Variants in RIN2 observed in about 807,000 individuals in gnomAD.
RIN2 encodes Ras and Rab interactor 2, also known as RAB5 interacting protein 2.
Under a neutral mutation model 78.0 loss-of-function variants are expected in RIN2, and 36 were observed. That is an observed-to-expected ratio of 0.46 (90% confidence interval 0.35 to 0.61). The LOEUF (loss-of-function observed/expected upper bound fraction) is 0.61. Among genes scored for constraint, RIN2 ranks in the 20% least tolerant of loss-of-function variants. The probability of loss-of-function intolerance (pLI) is 0.00; values close to 1 mark genes in which losing one functional copy is unlikely to be tolerated. For synonymous variants in RIN2, 466 were observed against 466.8 expected (o/e 1.00, Z 0.02); for missense variants, 1,087 against 1,159.7 (o/e 0.94, Z 0.91).
At chr20:19,849,362 C>T (rs997896522) in intron 2 of RIN2, among the ~76,000 whole-genome samples, 2 of 152,000 alleles carry the variant, frequency 1.3e-5, no homozygotes, top group Non-Finnish European at 2.9e-5. Context: ...AAACCGGGGC[C>T]GAGGTTAGAG....
rs1274619297 is a variant in RIN2, at chr20:19,824,026, C to G, written c.-37+24279C>G. ...CCTTGGCCTCCTCCGAGCCGAAAGC[C>G]GAGAGAGCTGCTCTGCCTGCTTCTA... On this transcript the variant is annotated intron_variant, in intron 2 of 12. Transcript: ENST00000255006. The G allele has an allele frequency of 6.1e-6, 5 of 819,714 alleles. 1 individual carries two copies. In the Admixed American group the frequency reaches 1.1e-4, roughly 18 times the overall value. 50.8% of individuals were successfully genotyped at this position (819,714 alleles called of 1,614,324 possible). A position where few individuals can be genotyped will look rare whatever the true frequency, so the allele number is the denominator to read the frequency against.
chr20:19,926,980 A>G (rs1047104090), intron 3 of RIN2, among the ~76,000 whole-genome samples: 23 of 152,366 alleles, frequency 1.5e-4, no homozygotes, highest in African/African-American at 5.3e-4. Flanking sequence ...GCAGCTTCCT[A>G]TGCATGCAAA....
At chr20:19,890,295 G>C (rs12481523) in intron 3 of RIN2, among the ~76,000 whole-genome samples, 1 of 152,110 alleles carries the variant, frequency 6.6e-6, no homozygotes. Flanking sequence ...CTCTGTGTGT[G>C]TGTATTTAAT....
At chr20:19,866,437 T>C (rs967562434) in intron 2 of RIN2, among the ~76,000 whole-genome samples, 1 of 152,156 alleles carries the variant, frequency 6.6e-6, no homozygotes, top group African/African-American at 2.4e-5. Flanking sequence ...GGATATATGA[T>C]AGACAGGACT....
chr20:19,953,896 G>A (rs1454363675), intron 4 of RIN2, among the ~76,000 whole-genome samples: 1 of 152,206 alleles, frequency 6.6e-6, no homozygotes, highest in African/African-American at 2.4e-5. Context: ...AATGGCATTT[G>A]CAGAAGGAGA....
intron 2 of RIN2, among the ~76,000 whole-genome samples, chr20:19,801,072 A>G (rs2035226907): frequency 6.6e-6 from 1 of 152,136 alleles, no homozygotes; most frequent in South Asian, 2.1e-4. Flanking sequence ...AATAAGAGAG[A>G]AAAATGTTAG....
intron 1 of RIN2, among the ~76,000 whole-genome samples, chr20:19,788,353 G>T (rs1568752349): frequency 2.0e-5 from 3 of 150,820 alleles, no homozygotes; most frequent in Non-Finnish European, 2.9e-5. Flanking sequence ...CCAGCACTTT[G>T]GGGGGCTGAG....
intron 1 of RIN2, among the ~76,000 whole-genome samples, chr20:19,798,904 A>T (rs936737723): frequency 6.8e-6 from 1 of 147,400 alleles, no homozygotes; most frequent in African/African-American, 2.5e-5. Context: ...TAATATAGTA[A>T]TTTTTTTTTT....
At chr20:19,965,325 C>T (rs1367868126) in intron 7 of RIN2, among the ~76,000 whole-genome samples, 4 of 152,206 alleles carry the variant, frequency 2.6e-5, no homozygotes, top group African/African-American at 9.7e-5. Context: ...GAAACACACA[C>T]ACACGCACAT....
intron 2 of RIN2, among the ~76,000 whole-genome samples, chr20:19,822,866 T>C (rs371402869): frequency 6.6e-6 from 1 of 152,188 alleles, no homozygotes; most frequent in Non-Finnish European, 1.5e-5. Context: ...TTCTGAACAA[T>C]GTACTCTGCA....
At chr20:19,876,622 C>T (rs554839151) in intron 2 of RIN2, among the ~76,000 whole-genome samples, 3 of 152,124 alleles carry the variant, frequency 2.0e-5, no homozygotes, top group East Asian at 1.9e-4. Flanking sequence ...TACCACATAC[C>T]GGCTGGGTGC....
intron 2 of RIN2, among the ~76,000 whole-genome samples, chr20:19,812,504 T>C (rs2035634943): frequency 6.6e-6 from 1 of 152,266 alleles, no homozygotes; most frequent in Non-Finnish European, 1.5e-5. Context: ...GCCATTTGCA[T>C]AGCTTCTTTG....
At chr20:19,966,612 C>A (rs949087225) in intron 7 of RIN2, among the ~76,000 whole-genome samples, 1 of 152,136 alleles carries the variant, frequency 6.6e-6, no homozygotes, top group Non-Finnish European at 1.5e-5. Context: ...GTGTGAGCAC[C>A]ATGCCCGGCC....
chr20:19,794,984 G>A (rs1207359564), intron 1 of RIN2, among the ~76,000 whole-genome samples: 1 of 152,160 alleles, frequency 6.6e-6, no homozygotes, highest in Non-Finnish European at 1.5e-5. Context: ...CTAGTTTGTT[G>A]AGAAACCAAT....
At chr20:19,792,816 T>C (rs530477110) in intron 1 of RIN2, among the ~76,000 whole-genome samples, 2 of 152,310 alleles carry the variant, frequency 1.3e-5, no homozygotes, top group South Asian at 2.1e-4. Flanking sequence ...GTGCCTGGCA[T>C]GGAATCACTT....
At chr20:19,833,075 G>A (rs2036297216) in intron 2 of RIN2, among the ~76,000 whole-genome samples, 1 of 152,090 alleles carries the variant, frequency 6.6e-6, no homozygotes, top group South Asian at 2.1e-4. Flanking sequence ...CACAGTGAAA[G>A]CTCCCGCCCA....
At position 19,982,650 on chromosome 20, in the gene RIN2, C is replaced by T. The variant is rs565696576; in HGVS notation, c.1762+6863C>T. 3.6e-4 allele frequency among the ~76,000 whole-genome samples: 55 copies of T among 152,316 alleles called. 2 individuals carry two copies. The South Asian group carries it at 0.01, about 29-fold the overall frequency. On this transcript the variant is annotated intron_variant, in intron 9 of 12. Coordinates refer to ENST00000255006, the MANE Select transcript of RIN2 (RefSeq NM_018993.4). ...TGCCTCAGTTGCCTCAAATGTAACACGGTGTTGTGGATGCCATTGTGCTGT... is the reference window on the plus strand; with the variant it reads ...TGCCTCAGTTGCCTCAAATGTAACATGGTGTTGTGGATGCCATTGTGCTGT...
chr20:19,969,302 A>C (rs2042033095), intron 7 of RIN2, among the ~76,000 whole-genome samples: 1 of 152,086 alleles, frequency 6.6e-6, no homozygotes, highest in African/African-American at 2.4e-5. Context: ...GCAGGACTCC[A>C]AGTTTTGTTC....
At chr20:19,848,396 C>T (rs909714958) in intron 2 of RIN2, among the ~76,000 whole-genome samples, 9 of 151,764 alleles carry the variant, frequency 5.9e-5, no homozygotes, top group South Asian at 2.1e-4. Flanking sequence ...ATTAGCTGGG[C>T]GTGGTGGTGT....
Sources: gnomAD v4.1 joint callset for allele counts (sites outside exome capture counted in the v4.1 genomes callset) on GRCh38, gnomAD v4.1.1 for gene constraint, MANE v1.5 for transcripts, NCBI Gene and HGNC (gene_info 2026-07-23, HGNC 2026-07-21) for gene names.